The following SH3RF2 variants were observed in gnomAD, a reference collection of about 807,000 sequenced individuals.
The protein encoded by SH3RF2 is SH3 domain containing ring finger 2.
SH3RF2 carries 43 observed loss-of-function variants against 59.0 expected under a neutral mutation model. The observed-to-expected ratio is 0.73, with a 90% CI of 0.57 to 0.94. The LOEUF is 0.94. Among genes scored for constraint, SH3RF2 ranks in the 40% least tolerant of loss-of-function variants. The pLI is 0.00. For missense variants in SH3RF2, 930 were observed against 940.1 expected (o/e 0.99, Z 0.14); for synonymous variants, 391 against 391.5 (o/e 1.00, Z 0.01).
chr5:145,939,346 C>T (rs1406679437), intron 2 of SH3RF2, among the ~76,000 whole-genome samples: 5 of 152,238 alleles, frequency 3.3e-5, no homozygotes, highest in Admixed American at 2.0e-4. Context: ...CATCTCCCTG[C>T]TCTGAAGAGG....
rs767187354 is a variant in SH3RF2 at position 146,060,078 on chromosome 5, G to A, written c.1768G>A (p.Glu590Lys). The A allele has an allele frequency of 3.1e-6, 5 of 1,613,952 alleles. No individual in the cohort carries two copies. In the South Asian group the frequency reaches 3.3e-5, roughly 11 times the overall value. Residue 590 changes from glutamate to lysine, a missense_variant, in exon 9 of 10, where the codon GAG becomes AAG. By Grantham distance (56) the Glu-to-Lys change is moderately conservative. Coordinates refer to ENST00000359120, the MANE Select transcript of SH3RF2 (RefSeq NM_152550.4). ...PALTCISRGS[E>K]AWIHSAASSL... ...CCTCACGTGCATCAGCAGGGGCAGT[G>A]AGGCCTGGATCCACTCCGCGGCCAG...
intron 5 of SH3RF2, among the ~76,000 whole-genome samples, chr5:146,036,303 T>A (rs1380350662): frequency 6.6e-6 from 1 of 152,180 alleles, no homozygotes; most frequent in Non-Finnish European, 1.5e-5. Flanking sequence ...ACCCGTGGTA[T>A]CAGCTACAGA....
downstream of SH3RF2, among the ~76,000 whole-genome samples, chr5:146,064,870 G>GAA (rs1261633731): frequency 8.2e-6 from 1 of 121,898 alleles, no homozygotes; most frequent in African/African-American, 2.9e-5. Flanking sequence ...GAAAGAGAAA[G>GAA]AAAAAGAAAA....
chr5:146,053,465 G>T (rs1010353330), intron 7 of SH3RF2, among the ~76,000 whole-genome samples: 1 of 151,996 alleles, frequency 6.6e-6, no homozygotes, highest in African/African-American at 2.4e-5. Context: ...CTGAAGAAAT[G>T]CAATCCTCCT....
At chr5:146,045,592 T>C (rs1762274553) in intron 5 of SH3RF2, among the ~76,000 whole-genome samples, 1 of 152,248 alleles carries the variant, frequency 6.6e-6, no homozygotes, top group Non-Finnish European at 1.5e-5. Flanking sequence ...TGGTCTTTTG[T>C]GTCTGGCTTC....
intron 5 of SH3RF2, among the ~76,000 whole-genome samples, chr5:146,031,931 C>T (rs1761758650): frequency 1.3e-5 from 2 of 152,258 alleles, no homozygotes; most frequent in South Asian, 4.2e-4. Context: ...AAGCTAAGCA[C>T]CTCACAATGA....
At position 145,938,288 on chromosome 5, in the gene SH3RF2, C is replaced by T. The variant is rs753271759; in HGVS notation, c.360C>T (p.Val120=). The T allele has an allele frequency of 2.6e-6, 4 of 1,567,940 alleles. No individual in the cohort carries two copies. The highest frequency in any genetic ancestry group is 3.4e-6 in the Non-Finnish European group (4 of 1,162,716). The change falls in exon 2 of 10, where the codon GTC becomes GTT. Residue 120 remains valine, a synonymous_variant. Transcript: ENST00000359120. ...GTCCTTTCCGGCTAGTGCCTAATGT[C>T]AGAATCCACATGGATGGGGTAAGAG... is the stretch of plus-strand genomic sequence containing the variant. ...QASPFRLVPN[V]RIHMDGVPRA... is the part of the protein sequence containing the mutation.
chr5:145,999,958 G>A, intron 2 of SH3RF2, 100 bp from the exon 3 acceptor site: 1 of 1,415,568 alleles, frequency 7.1e-7, no homozygotes, highest in Non-Finnish European at 9.5e-7. Context: ...TATTTGCAAA[G>A]CATGTTAAAG....
At chr5:146,058,933 T>C (rs934296161) in intron 8 of SH3RF2, among the ~76,000 whole-genome samples, 3 of 151,844 alleles carry the variant, frequency 2.0e-5, no homozygotes, top group Non-Finnish European at 2.9e-5. Flanking sequence ...ACCAAGCTCT[T>C]GGACCTTGCA....
At chr5:145,960,955 C>T (rs778667688) in intron 2 of SH3RF2, among the ~76,000 whole-genome samples, 10 of 152,182 alleles carry the variant, frequency 6.6e-5, no homozygotes, top group Non-Finnish European at 1.2e-4. Context: ...CCTCAAAGAG[C>T]TTTCACAGGT....
At chr5:146,064,413 C>T (rs1256563548), downstream of SH3RF2, among the ~76,000 whole-genome samples, 2 of 151,790 alleles carry the variant, frequency 1.3e-5, no homozygotes, top group Non-Finnish European at 2.9e-5. Flanking sequence ...CCCAGGAAGC[C>T]AAGGCAATGC....
intron 2 of SH3RF2, among the ~76,000 whole-genome samples, chr5:145,985,586 T>C (rs780077208): frequency 6.6e-6 from 1 of 152,240 alleles, no homozygotes; most frequent in Non-Finnish European, 1.5e-5. Flanking sequence ...GCAGAGAATG[T>C]AATGAACTGC....
chr5:146,040,237 G>T (rs1762076207), intron 5 of SH3RF2, among the ~76,000 whole-genome samples: 1 of 152,090 alleles, frequency 6.6e-6, no homozygotes, highest in Non-Finnish European at 1.5e-5. Context: ...ATGTATGCAG[G>T]TGTCTGTTTT....
chr5:145,972,030 G>A (rs1310267998), intron 2 of SH3RF2, among the ~76,000 whole-genome samples: 2 of 152,048 alleles, frequency 1.3e-5, no homozygotes, highest in East Asian at 1.9e-4. Flanking sequence ...GAAGAGACTG[G>A]GCCAAGGTCA....
intron 2 of SH3RF2, among the ~76,000 whole-genome samples, chr5:145,964,258 C>T (rs1758766151): frequency 7.0e-6 from 1 of 142,400 alleles, no homozygotes. Flanking sequence ...CTCTTTCTTT[C>T]TTCTTTCCCT....
chr5:145,948,875 A>G (rs1758090457), intron 2 of SH3RF2, among the ~76,000 whole-genome samples: 1 of 152,228 alleles, frequency 6.6e-6, no homozygotes, highest in Non-Finnish European at 1.5e-5. Flanking sequence ...CTACTAGACT[A>G]TAAGCTCCAT....
chr5:145,986,182 C>G (rs1468002858), intron 2 of SH3RF2, among the ~76,000 whole-genome samples: 1 of 152,138 alleles, frequency 6.6e-6, no homozygotes, highest in East Asian at 1.9e-4. Flanking sequence ...TCAGGGGCCA[C>G]CTCCAGCCCC....
chr5:145,969,463 T>C (rs73312140), intron 2 of SH3RF2, among the ~76,000 whole-genome samples: 11,839 of 152,132 alleles, frequency 0.078, 1,563 homozygotes, highest in African/African-American at 0.27. Context: ...CAGATACCCC[T>C]GCATCACTGA....
chr5:145,974,449 G>T (rs964729622), intron 2 of SH3RF2, among the ~76,000 whole-genome samples: 1 of 152,110 alleles, frequency 6.6e-6, no homozygotes, highest in Non-Finnish European at 1.5e-5. Flanking sequence ...TCCAAAGATG[G>T]ATAGGAAAGG....
Sources: allele counts gnomAD v4.1 joint callset (sites outside exome capture counted in the v4.1 genomes callset), GRCh38; gene constraint gnomAD v4.1.1; transcripts MANE v1.5; gene names NCBI Gene and HGNC (gene_info 2026-07-23, HGNC 2026-07-21).